Variants in CMIP observed in about 807,000 individuals in gnomAD.
The protein encoded by CMIP is c-Maf inducing protein, also known as C-Maf-inducing protein.
Under a neutral mutation model 97.3 loss-of-function variants are expected in CMIP, and 13 were observed. The ratio of observed to expected loss-of-function variants is 0.13; its 90% CI spans 0.09 to 0.21. The LOEUF is 0.21. Ranked by LOEUF, CMIP falls within the 10% of genes least tolerant of loss-of-function variation. CMIP has a pLI of 1.00. For missense variants in CMIP, 847 were observed against 1,024.9 expected (o/e 0.83, Z 2.37); for synonymous variants, 538 against 436.3 (o/e 1.23, Z -2.91).
At chr16:81,556,499 T>C (rs1368455549) in intron 1 of CMIP, among the ~76,000 whole-genome samples, 1 of 152,168 alleles carries the variant, frequency 6.6e-6, no homozygotes, top group Admixed American at 6.5e-5. Context: ...GTGCCAACGA[T>C]TACTATTTTC....
intron 1 of CMIP, 27 bp downstream of exon 1, chr16:81,445,568 C>G: frequency 2.6e-6 from 4 of 1,534,512 alleles, no homozygotes; most frequent in South Asian, 2.4e-5. Context: ...GGCTGCACCC[C>G]CGCCTCTCCT....
chr16:81,477,112 A>G (rs547849971), intron 1 of CMIP, among the ~76,000 whole-genome samples: 26 of 152,134 alleles, frequency 1.7e-4, no homozygotes, highest in African/African-American at 4.3e-4. Context: ...GGTTGTGTCT[A>G]TCTTCTGATT....
At position 81,670,207 on chromosome 16, in the gene CMIP, C is replaced by T. The variant is rs746636860; in HGVS notation, c.891C>T (p.Leu297=). 8.1e-6 allele frequency: 13 copies of T among 1,611,662 alleles called. No individual in the cohort carries two copies. The highest frequency in any genetic ancestry group is 1.1e-5 in the Non-Finnish European group (13 of 1,179,058). The change falls in exon 8 of 21, where the codon CTC becomes CTT. Residue 297 remains leucine (L), a synonymous_variant. Transcript: ENST00000537098. ...AGTACATCCTTGCCTTGAACGAGCT[C>T]AACGCGGGGATGGAAGTGGTGAAGA... ...TQEYILALNE[L]NAGMEVVKKF...
chr16:81,700,013 A>G (rs1907216195), intron 15 of CMIP, among the ~76,000 whole-genome samples: 2 of 152,152 alleles, frequency 1.3e-5, no homozygotes, highest in Admixed American at 6.5e-5. Context: ...TCCATTGATC[A>G]GTGGGGTTGG....
intron 3 of CMIP, among the ~76,000 whole-genome samples, chr16:81,625,228 G>T: frequency 6.6e-6 from 1 of 152,248 alleles, no homozygotes; most frequent in African/African-American, 2.4e-5. Context: ...GGAGGGCCAG[G>T]ATCTCCCAGC....
At chr16:81,691,936 A>G (rs11860485) in intron 11 of CMIP, 96 bp downstream of exon 11, 11,817 of 1,088,226 alleles carry the variant, frequency 0.011, 100 homozygotes, top group Non-Finnish European at 0.014. Context: ...TGTTATGGGG[A>G]AGCGAAGTCA....
intron 2 of CMIP, chr16:81,610,232 C>T (rs1246612176): frequency 2.6e-6 from 2 of 776,994 alleles, no homozygotes; most frequent in Non-Finnish European, 3.1e-6. Context: ...TTTAACCCGG[C>T]TGTGGCCGCG....
intron 20 of CMIP, among the ~76,000 whole-genome samples, chr16:81,708,975 G>T (rs544595618): frequency 6.6e-6 from 1 of 152,330 alleles, no homozygotes; most frequent in South Asian, 2.1e-4. Flanking sequence ...TGGGAGGGAG[G>T]ATGTAAAGGC....
intron 1 of CMIP, among the ~76,000 whole-genome samples, chr16:81,596,038 T>C (rs532978722): frequency 6.6e-6 from 1 of 152,306 alleles, no homozygotes; most frequent in East Asian, 1.9e-4. Context: ...CTCAACACTT[T>C]TTTTTTGTCT....
intron 1 of CMIP, among the ~76,000 whole-genome samples, chr16:81,492,390 C>T (rs1387265880): frequency 6.6e-6 from 1 of 152,222 alleles, no homozygotes; most frequent in Non-Finnish European, 1.5e-5. Flanking sequence ...GCCTTCAGCT[C>T]CTGGCTGAGT....
chr16:81,578,888 A>G (rs2091248045), intron 1 of CMIP, among the ~76,000 whole-genome samples: 1 of 152,238 alleles, frequency 6.6e-6, no homozygotes, highest in Non-Finnish European at 1.5e-5. Context: ...TGCGAGGTCC[A>G]AGGTTGTGCC....
chr16:81,475,685 G>A (rs1907863819), intron 1 of CMIP, among the ~76,000 whole-genome samples: 1 of 152,118 alleles, frequency 6.6e-6, no homozygotes, highest in African/African-American at 2.4e-5. Context: ...CGGTCTGATG[G>A]TTAAGATAAA....
intron 1 of CMIP, among the ~76,000 whole-genome samples, chr16:81,482,701 T>C (rs2089244505): frequency 6.6e-6 from 1 of 151,994 alleles, no homozygotes; most frequent in Admixed American, 6.5e-5. Flanking sequence ...GGGCAGGAAA[T>C]GCAGGCTGCA....
At chr16:81,679,883 GC>G (rs888719045) in intron 10 of CMIP, among the ~76,000 whole-genome samples, 2 of 152,048 alleles carry the variant, frequency 1.3e-5, no homozygotes, top group Non-Finnish European at 2.9e-5. Flanking sequence ...GTTCCCTTCT[GC>G]CCCCCACAGA....
chr16:81,611,639 C>G (rs1295334076), intron 2 of CMIP, among the ~76,000 whole-genome samples: 2 of 152,100 alleles, frequency 1.3e-5, no homozygotes, highest in African/African-American at 4.8e-5. Flanking sequence ...CTCTGGGCTT[C>G]TCTTGCAGGT....
chr16:81,685,148 G>T (rs982086700), intron 10 of CMIP, among the ~76,000 whole-genome samples: 4 of 152,178 alleles, frequency 2.6e-5, no homozygotes, highest in African/African-American at 9.7e-5. Context: ...AACCTGGTCC[G>T]ACTGGGGTCA....
chr16:81,611,743 G>T (rs1018566611), intron 2 of CMIP, among the ~76,000 whole-genome samples: 2 of 152,078 alleles, frequency 1.3e-5, no homozygotes, highest in African/African-American at 4.8e-5. Context: ...CGCTCTCTCT[G>T]TCTTCTAAGG....
At chr16:81,457,347 A>G (rs1906615141) in intron 1 of CMIP, among the ~76,000 whole-genome samples, 1 of 152,122 alleles carries the variant, frequency 6.6e-6, no homozygotes, top group Non-Finnish European at 1.5e-5. Context: ...AAGCCATCAT[A>G]CAGGGCTGAC....
In CMIP at chr16:81,711,076, A is replaced by C. The variant is rs1249389377; in HGVS notation, c.*1277A>C. The stretch of plus-strand genomic sequence containing the variant: ...CAACGAAGACACTCCTTCTGTCCCC[A>C]CCTGCTCCGAAGACAAACCAACCTC... On this transcript the variant is annotated 3_prime_UTR_variant, in exon 21 of 21. Transcript: ENST00000537098. 1 of 104,838 alleles carries C rather than the reference A, an allele frequency of 9.5e-6. No individual in the cohort carries two copies. Among genetic ancestry groups the C allele is most frequent in the Non-Finnish European group, 1.7e-5 (1 of 57,276 alleles). 6.5% of individuals were successfully genotyped at this position (104,838 alleles called of 1,614,324 possible).
Sources: allele counts gnomAD v4.1 joint callset (sites outside exome capture counted in the v4.1 genomes callset), GRCh38; gene constraint gnomAD v4.1.1; transcripts MANE v1.5; gene names NCBI Gene and HGNC (gene_info 2026-07-23, HGNC 2026-07-21).